The following TMEM74 variants were observed in gnomAD, a reference collection of about 807,000 sequenced individuals.
TMEM74 encodes the protein transmembrane protein 74.
Under a neutral mutation model 18.1 loss-of-function variants are expected in TMEM74, and 13 were observed. That is an observed-to-expected ratio of 0.72 (90% CI 0.47 to 1.14). The LOEUF (loss-of-function observed/expected upper bound fraction) is 1.14. TMEM74 is among the 50% of genes most tolerant of loss of function. The probability of loss-of-function intolerance (pLI) is 0.00; values close to 1 mark genes in which losing one functional copy is unlikely to be tolerated. For synonymous variants in TMEM74, 159 were observed against 146.6 expected (o/e 1.08, Z -0.61); for missense variants, 372 against 375.9 (o/e 0.99, Z 0.09).
At chr8:108,697,295 A>T (rs1813289848) in intron 1 of TMEM74, among the ~76,000 whole-genome samples, 1 of 152,154 alleles carries the variant, frequency 6.6e-6, no homozygotes, top group Admixed American at 6.5e-5. Context: ...CTCCTCCATA[A>T]CACAGGATGA....
Position 108,784,019 on chromosome 8 carries a change from C to A in TMEM74, c.*162G>T. On this transcript the variant is annotated 3_prime_UTR_variant, in exon 2 of 2. Transcript: ENST00000297459. ...TTATACATCTTACATGGCTTTTCTT[C>A]TAAATAGAAGACACATAGAGAACAA... 1 of 580,610 alleles carries A rather than the reference C, an allele frequency of 1.7e-6. No homozygotes were observed. Among genetic ancestry groups the A allele is most frequent in the Non-Finnish European group, 2.9e-6 (1 of 344,318 alleles). The allele number at this position is 580,610 out of a possible 1,614,324, so 36.0% of individuals were successfully genotyped here. A position where few individuals can be genotyped will look rare whatever the true frequency, so the allele number is the denominator to read the frequency against.
intron 1 of TMEM74, among the ~76,000 whole-genome samples, chr8:108,700,799 C>T (rs1813327582): frequency 6.6e-6 from 1 of 152,044 alleles, no homozygotes; most frequent in Non-Finnish European, 1.5e-5. Flanking sequence ...AAATGACTGG[C>T]CCAGGTTTAC....
intron 1 of TMEM74, among the ~76,000 whole-genome samples, chr8:108,682,875 T>G (rs944086938): frequency 6.6e-6 from 1 of 151,860 alleles, no homozygotes; most frequent in Non-Finnish European, 1.5e-5. Flanking sequence ...TTAATAATAA[T>G]GAAATACAAT....
At chr8:108,623,239 A>G (rs1398778208) in intron 2 of TMEM74, among the ~76,000 whole-genome samples, 1 of 152,134 alleles carries the variant, frequency 6.6e-6, no homozygotes, top group Admixed American at 6.6e-5. Flanking sequence ...CTGTCTACAA[A>G]TTAGGTCCTT....
chr8:108,657,875 T>TATATATATATATATATTAATTAC lies in TMEM74; in HGVS notation n.120-2439_120-2438insGTAATTAATATATATATATATAT, dbSNP rs1812857161. On this transcript the variant is annotated intron_variant and non_coding_transcript_variant, in intron 1 of 3. Coordinates refer to the TMEM74 transcript ENST00000518838. ...AAAAAAAAAAATATATATATATATA[T>TATATATATATATATATTAATTAC]ATATATATATATATATATATATATA... Among the ~76,000 whole-genome samples the TATATATATATATATATTAATTAC allele has an allele frequency of 1.3e-4, 7 of 55,556 alleles. 1 individual carries two copies. The highest frequency in any genetic ancestry group is 4.6e-4 in the African/African-American group (6 of 12,910). The allele number at this position is 55,556 out of a possible 152,430, so 36.4% of individuals were successfully genotyped here.
intron 1 of TMEM74, among the ~76,000 whole-genome samples, chr8:108,772,907 A>T (rs1814189188): frequency 6.6e-6 from 1 of 152,148 alleles, no homozygotes; most frequent in Non-Finnish European, 1.5e-5. Context: ...TGTCATGGGG[A>T]TTCGATGAGT....
At chr8:108,679,433 T>C (rs1269638469) in intron 1 of TMEM74, among the ~76,000 whole-genome samples, 2 of 152,184 alleles carry the variant, frequency 1.3e-5, no homozygotes, top group Non-Finnish European at 2.9e-5. Context: ...TTTTAATGAT[T>C]GTCATTCTAA....
intron 1 of TMEM74, among the ~76,000 whole-genome samples, chr8:108,745,815 C>T (rs1054878935): frequency 1.3e-5 from 2 of 152,082 alleles, no homozygotes; most frequent in Admixed American, 6.6e-5. Context: ...AGTTAAAGAT[C>T]GACCCCTGAC....
intron 1 of TMEM74, among the ~76,000 whole-genome samples, chr8:108,681,488 C>G (rs1027413530): frequency 6.6e-6 from 1 of 152,202 alleles, no homozygotes; most frequent in Non-Finnish European, 1.5e-5. Context: ...AACTGGATCC[C>G]TTCCTTACAC....
intron 2 of TMEM74, among the ~76,000 whole-genome samples, chr8:108,617,027 C>CAG (rs1338026953): frequency 6.6e-6 from 1 of 151,390 alleles, no homozygotes; most frequent in Non-Finnish European, 1.5e-5. Flanking sequence ...AGTGGTAGAG[C>CAG]AGAGCAATTT....
intron 2 of TMEM74, among the ~76,000 whole-genome samples, chr8:108,635,558 C>G (rs960303766): frequency 6.6e-6 from 1 of 151,994 alleles, no homozygotes; most frequent in South Asian, 2.1e-4. Flanking sequence ...TTAAACACAC[C>G]TTTAGACCAG....
chr8:108,722,624 G>C (rs1813596903), intron 1 of TMEM74, among the ~76,000 whole-genome samples: 1 of 152,134 alleles, frequency 6.6e-6, no homozygotes, highest in Non-Finnish European at 1.5e-5. Context: ...TTACCTTGTT[G>C]ATCGTTTTGA....
intron 1 of TMEM74, among the ~76,000 whole-genome samples, chr8:108,707,033 C>A (rs1422191710): frequency 6.6e-6 from 1 of 151,876 alleles, no homozygotes; most frequent in Non-Finnish European, 1.5e-5. Flanking sequence ...ATGTCCTTTG[C>A]AGGGACACGG....
intron 1 of TMEM74, among the ~76,000 whole-genome samples, chr8:108,742,645 T>C (rs114080072): frequency 6.6e-6 from 1 of 152,344 alleles, no homozygotes; most frequent in African/African-American, 2.4e-5. Context: ...ATATGTTAAC[T>C]GTTAAGTATT....
At chr8:108,665,324 A>C (rs991585434) in intron 1 of TMEM74, among the ~76,000 whole-genome samples, 1 of 152,138 alleles carries the variant, frequency 6.6e-6, no homozygotes, top group Middle Eastern at 3.2e-3. Context: ...TGTTATTTCA[A>C]TTGGGAAAAT....
intron 1 of TMEM74, among the ~76,000 whole-genome samples, chr8:108,688,187 A>G (rs1255118646): frequency 6.6e-6 from 1 of 152,234 alleles, no homozygotes; most frequent in African/African-American, 2.4e-5. Context: ...GCTCTCAAGA[A>G]GTATTCATCA....
intron 1 of TMEM74, among the ~76,000 whole-genome samples, chr8:108,709,687 C>T (rs966337559): frequency 5.9e-5 from 9 of 152,030 alleles, no homozygotes; most frequent in African/African-American, 2.2e-4. Flanking sequence ...AGTGTTTTTA[C>T]TGCCAAAACA....
At chr8:108,751,818 T>C (rs1338627263) in intron 1 of TMEM74, among the ~76,000 whole-genome samples, 4 of 152,070 alleles carry the variant, frequency 2.6e-5, no homozygotes, top group Non-Finnish European at 5.9e-5. Flanking sequence ...TCTCTATAGA[T>C]GATATACTGC....
chr8:108,760,724 C>T (rs567204387), intron 1 of TMEM74, among the ~76,000 whole-genome samples: 19 of 151,972 alleles, frequency 1.3e-4, no homozygotes, highest in Admixed American at 4.6e-4. Flanking sequence ...GAGCCTTAGC[C>T]AAGGGTGTCA....
Sources: allele counts gnomAD v4.1 joint callset (sites outside exome capture counted in the v4.1 genomes callset), GRCh38; gene constraint gnomAD v4.1.1; transcripts MANE v1.5; gene names NCBI Gene and HGNC (gene_info 2026-07-23, HGNC 2026-07-21).